The following GSG1 variants were observed in gnomAD, a reference collection of about 807,000 sequenced individuals.
The protein encoded by GSG1 is germ cell-specific gene 1 protein.
Under a neutral mutation model 30.8 loss-of-function variants are expected in GSG1, and 28 were observed. That is an observed-to-expected ratio of 0.91 (90% confidence interval 0.67 to 1.25). The LOEUF (loss-of-function observed/expected upper bound fraction) is 1.25, where lower values mean the gene tolerates loss of function less well. Ranked by LOEUF, GSG1 falls within the 50% of genes most tolerant of loss-of-function variation. The probability of loss-of-function intolerance (pLI) is 0.00; values close to 1 mark genes in which losing one functional copy is unlikely to be tolerated. For missense variants in GSG1, 435 were observed against 444.7 expected (o/e 0.98, Z 0.20); for synonymous variants, 162 against 178.0 (o/e 0.91, Z 0.71).
chr12:13,088,915 A>G lies in GSG1; in HGVS notation c.434-6T>C. 1 of 1,614,118 alleles carries G rather than the reference A, an allele frequency of 6.2e-7. No homozygotes were observed. The highest frequency in any genetic ancestry group is 8.5e-7 in the Non-Finnish European group (1 of 1,179,984). Reference sequence around the variant, plus strand: ...GAAACTTCGGCACCTCTCCCCTGAAACATACAAGGTACAACGTCATGGAGC... The same window carrying G: ...GAAACTTCGGCACCTCTCCCCTGAAGCATACAAGGTACAACGTCATGGAGC... On this transcript the variant is annotated splice_polypyrimidine_tract_variant and splice_region_variant and intron_variant, in intron 3 of 6. Coordinates refer to ENST00000651961, the MANE Select transcript of GSG1 (RefSeq NM_001080555.4).
intron 2 of GSG1, 107 bp from the exon 3 acceptor site, chr12:13,089,383 T>A: frequency 2.0e-6 from 3 of 1,526,078 alleles, no homozygotes; most frequent in Non-Finnish European, 2.6e-6. Context: ...ATCAAATTGT[T>A]CATGATTCTG....
intron 1 of GSG1, chr12:13,095,797 T>C: frequency 6.7e-7 from 1 of 1,489,450 alleles, no homozygotes; most frequent in Non-Finnish European, 8.9e-7. Context: ...AACACGGGCA[T>C]TTAATAATTG....
intron 5 of GSG1, among the ~76,000 whole-genome samples, chr12:13,087,551 C>T (rs1865663761): frequency 6.6e-6 from 1 of 152,216 alleles, no homozygotes; most frequent in South Asian, 2.1e-4. Context: ...TTCCCACCCA[C>T]ACCCCAATGT....
Position 13,087,902 on chromosome 12 carries a change from C to T in GSG1, c.634+5G>A, listed in dbSNP as rs974345384. 4 of 1,613,460 alleles carry T rather than the reference C, an allele frequency of 2.5e-6. No individual in the cohort carries two copies. The highest frequency in any genetic ancestry group is 2.2e-5 in the East Asian group (1 of 44,888). On this transcript the variant is annotated splice_donor_5th_base_variant and intron_variant, in intron 5 of 6. Coordinates refer to ENST00000651961, the MANE Select transcript of GSG1 (RefSeq NM_001080555.4). ...CCACCCTCTCTCACTCCAGGAGCAA[C>T]TCACCTGACAGGACAGAGGAAACAG...
At chr12:13,095,111 G>A (rs980198776) in intron 1 of GSG1, among the ~76,000 whole-genome samples, 4 of 152,124 alleles carry the variant, frequency 2.6e-5, no homozygotes, top group Non-Finnish European at 4.4e-5. Flanking sequence ...TCTTGATATC[G>A]AATGATCATC....
chr12:13,095,058 T>TTCCTTC (rs1866543855), intron 1 of GSG1, among the ~76,000 whole-genome samples: 1 of 152,174 alleles, frequency 6.6e-6, no homozygotes, highest in African/African-American at 2.4e-5. Context: ...AGAAGGAGTG[T>TTCCTTC]CCACCAGGGA....
chr12:13,090,479 CT>C, intron 2 of GSG1, 23 bp downstream of exon 2: 1 of 1,591,926 alleles, frequency 6.3e-7, no homozygotes. Flanking sequence ...CCCCGTTGCT[CT>C]TATATCCCAG....
chr12:13,096,248 C>T (rs1002173096), intron 1 of GSG1, among the ~76,000 whole-genome samples: 6 of 151,544 alleles, frequency 4.0e-5, no homozygotes, highest in African/African-American at 9.7e-5. Context: ...CCTAGGTGGG[C>T]GGATCACAAG....
At chr12:13,088,731 C>G (rs755152563) in intron 4 of GSG1, 131 bp downstream of exon 4, 1 of 1,611,060 alleles carries the variant, frequency 6.2e-7, no homozygotes, top group South Asian at 1.1e-5. Context: ...CCTTATCAGA[C>G]ACATACTTGC....
chr12:13,094,721 T>G (rs965439253), intron 1 of GSG1, among the ~76,000 whole-genome samples: 1 of 152,236 alleles, frequency 6.6e-6, no homozygotes, highest in Non-Finnish European at 1.5e-5. Flanking sequence ...TAGGCAATTC[T>G]AACTTTTGTG....
In GSG1 at chr12:13,085,026, G is replaced by T. The variant is rs886557483; in HGVS notation, c.964C>A (p.Pro322Thr). ...LTSYHQYHNQ[P>T]IHSVSEGVDF... is the part of the protein sequence containing the mutation. ...ACTCCCTCAGAGACAGAGTGGATGG[G>T]CTGATTATGATACTGGTGGTAGCTG... is the stretch of plus-strand genomic sequence containing the variant. Residue 322 changes from proline to threonine, a missense_variant, in exon 7 of 7, where the codon CCC (proline) becomes ACC (threonine). Transcript: ENST00000651961. 3.2e-6 allele frequency: 5 copies of T among 1,572,238 alleles called. No homozygotes were observed. Among genetic ancestry groups the T allele is most frequent in the East Asian group, 4.7e-5 (2 of 42,736 alleles).
At chr12:13,087,100 T>C in intron 6 of GSG1, 52 bp downstream of exon 6, 1 of 1,257,464 alleles carries the variant, frequency 8.0e-7, no homozygotes, top group East Asian at 2.3e-5. Flanking sequence ...GGGCAGAAAA[T>C]CTCGTGAAGG....
intron 6 of GSG1, among the ~76,000 whole-genome samples, chr12:13,086,487 CTG>C (rs1320453809): frequency 6.6e-6 from 1 of 152,170 alleles, no homozygotes; most frequent in Non-Finnish European, 1.5e-5. Context: ...TGGCAACTTG[CTG>C]TGAATAAAGA....
In GSG1 at chr12:13,085,050, T is replaced by C. The variant is rs1865379648; in HGVS notation, c.940A>G (p.Ser314Gly). The change falls in exon 7 of 7, where the codon AGC becomes GGC. Residue 314 changes from serine (S) to glycine (G), a missense_variant. By Grantham distance (56) the Ser-to-Gly change is moderately conservative. Coordinates refer to ENST00000651961, the MANE Select transcript of GSG1 (RefSeq NM_001080555.4). The part of the protein sequence containing the change: ...SAAPTVGPLT[S>G]YHQYHNQPIH... ...GGCTGATTATGATACTGGTGGTAGCTGGTCAAAGGACCCACGGTGGGGGCT... is the reference window on the plus strand; with the variant it reads ...GGCTGATTATGATACTGGTGGTAGCCGGTCAAAGGACCCACGGTGGGGGCT... 6 of 1,596,138 alleles carry C rather than the reference T, an allele frequency of 3.8e-6. No individual in the cohort carries two copies. The highest frequency in any genetic ancestry group is 5.1e-6 in the Non-Finnish European group (6 of 1,170,716).
At chr12:13,091,457 G>A (rs1197693532) in intron 1 of GSG1, among the ~76,000 whole-genome samples, 3 of 152,192 alleles carry the variant, frequency 2.0e-5, no homozygotes, top group African/African-American at 4.8e-5. Flanking sequence ...TCCTAGCACC[G>A]TAATCCCTTC....
chr12:13,090,903 G>A, intron 1 of GSG1, 85 bp from the exon 2 acceptor site: 1 of 1,145,138 alleles, frequency 8.7e-7, no homozygotes, highest in South Asian at 1.5e-5. Flanking sequence ...ATCCTTCCCT[G>A]CACTCCCTCC....
Position 13,085,068 on chromosome 12 carries a change from T to TG in GSG1, c.921dup (p.Thr308HisfsTer13), listed in dbSNP as rs1162510506. On this transcript the variant is annotated frameshift_variant, in exon 7 of 7. Coordinates refer to ENST00000651961, the MANE Select transcript of GSG1 (RefSeq NM_001080555.4). LOFTEE classifies it low-confidence loss of function (END_TRUNC). ...TGGTAGCTGGTCAAAGGACCCACGG[T>TG]GGGGGCTGCACTTGACAGCCGCCGA... The TG allele has an allele frequency of 6.2e-7, 1 of 1,609,392 alleles. No homozygotes were observed. The highest frequency in any genetic ancestry group is 1.7e-5 in the Admixed American group (1 of 59,158).
chr12:13,095,978 G>A (rs1312570268), intron 1 of GSG1, among the ~76,000 whole-genome samples: 1 of 152,206 alleles, frequency 6.6e-6, no homozygotes, highest in Admixed American at 6.5e-5. Context: ...GGTAACTGGT[G>A]TGAATGGATT....
intron 3 of GSG1, 93 bp from the exon 4 acceptor site, chr12:13,089,002 G>C (rs957850557): frequency 6.8e-7 from 1 of 1,469,050 alleles, no homozygotes; most frequent in Non-Finnish European, 9.4e-7. Context: ...TGCTCCCTCT[G>C]CTCTGACAGC....
Sources: allele counts gnomAD v4.1 joint callset (sites outside exome capture counted in the v4.1 genomes callset), GRCh38; gene constraint gnomAD v4.1.1; transcripts MANE v1.5; gene names NCBI Gene and HGNC (gene_info 2026-07-23, HGNC 2026-07-21).